The following P3H2 variants were observed in gnomAD, a reference collection of about 807,000 sequenced individuals.
P3H2 encodes prolyl 3-hydroxylase 2.
P3H2 carries 80 observed loss-of-function variants against 87.0 expected under a neutral mutation model. The ratio of observed to expected loss-of-function variants is 0.92; its 90% CI spans 0.77 to 1.11. P3H2 has a LOEUF of 1.11. P3H2 is among the 50% of genes least tolerant of loss of function. The pLI, the probability that P3H2 is intolerant of heterozygous loss-of-function variation, is 0.00. For synonymous variants in P3H2, 367 were observed against 359.3 expected, an observed-to-expected ratio of 1.02 and a Z score of -0.24; for missense variants, 1,001 against 923.9, an observed-to-expected ratio of 1.08 and a Z score of -1.08.
At chr3:189,977,436 T>C (rs1289897421) in intron 8 of P3H2, among the ~76,000 whole-genome samples, 5 of 152,194 alleles carry the variant, frequency 3.3e-5, no homozygotes, top group Admixed American at 3.3e-4. Flanking sequence ...AACTGAATTC[T>C]CAGCCCTGGT....
At chr3:190,119,851 C>G (rs1577333981) in intron 1 of P3H2, among the ~76,000 whole-genome samples, 1 of 150,454 alleles carries the variant, frequency 6.6e-6, no homozygotes, top group African/African-American at 2.4e-5. Flanking sequence ...AGAGAGGAGA[C>G]AAAAGAAATG....
At chr3:190,069,678 G>C (rs747899896) in intron 1 of P3H2, among the ~76,000 whole-genome samples, 1 of 152,146 alleles carries the variant, frequency 6.6e-6, no homozygotes, top group African/African-American at 2.4e-5. Flanking sequence ...AAAATGTCCA[G>C]TTAAATAGAA....
intron 1 of P3H2, among the ~76,000 whole-genome samples, chr3:190,097,837 T>G (rs2108989716): frequency 6.6e-6 from 1 of 152,228 alleles, no homozygotes; most frequent in East Asian, 1.9e-4. Flanking sequence ...GAGTCTGGAA[T>G]GTATTAAAGG....
intron 1 of P3H2, among the ~76,000 whole-genome samples, chr3:190,069,572 G>A (rs1726627666): frequency 6.6e-6 from 1 of 152,190 alleles, no homozygotes; most frequent in African/African-American, 2.4e-5. Context: ...GTTTATCTCT[G>A]TGTGTTAAAA....
intron 1 of P3H2, among the ~76,000 whole-genome samples, chr3:190,065,620 T>C (rs911457632): frequency 6.6e-6 from 1 of 152,124 alleles, no homozygotes; most frequent in Non-Finnish European, 1.5e-5. Flanking sequence ...TCTTAGTCAA[T>C]ACAGGATTCA....
rs532777951 is a variant in P3H2 at position 190,083,420 on chromosome 3, C to A, written c.480+36832G>T. Reference sequence around the variant, plus strand: ...CTGGTGTGTGCTTTTTGGCTAAAAACTACAGCCTATATAAATTTCCTAAAG... The same window carrying A: ...CTGGTGTGTGCTTTTTGGCTAAAAAATACAGCCTATATAAATTTCCTAAAG... On this transcript the variant is annotated intron_variant, in intron 1 of 14. Transcript: ENST00000319332. Among the ~76,000 whole-genome samples the A allele has an allele frequency of 2.0e-5, 3 of 152,256 alleles. No individual in the cohort carries two copies. In the East Asian group the frequency reaches 5.8e-4, roughly 29 times the overall value.
At chr3:189,958,708 T>C (rs1722716596) in intron 14 of P3H2, among the ~76,000 whole-genome samples, 2 of 83,134 alleles carry the variant, frequency 2.4e-5, no homozygotes, top group South Asian at 3.8e-4. Context: ...TCTTTTTTTT[T>C]TTTTTTTTTT....
At chr3:189,987,692 C>T in intron 4 of P3H2, 23 bp from the exon 5 acceptor site, 1 of 1,613,782 alleles carries the variant, frequency 6.2e-7, no homozygotes, top group South Asian at 1.1e-5. Flanking sequence ...GGAGTTGCAG[C>T]ATTAGAGTCA....
intron 1 of P3H2, among the ~76,000 whole-genome samples, chr3:190,104,896 G>A (rs965221949): frequency 6.6e-6 from 1 of 152,128 alleles, no homozygotes; most frequent in South Asian, 2.1e-4. Flanking sequence ...TAGGGCCTTG[G>A]TACTGTTTTT....
chr3:190,048,492 C>CA (rs992476414), intron 1 of P3H2, among the ~76,000 whole-genome samples: 50 of 152,046 alleles, frequency 3.3e-4, no homozygotes, highest in Admixed American at 9.8e-4. Context: ...ATGAGAATGC[C>CA]AAAAAATAGT....
Position 190,023,230 on chromosome 3 carries a change from A to G in P3H2, c.481-27788T>C, listed in dbSNP as rs371849303. ...TAAGAAATGGTGAAACTGATGACAAATTAAATAGCCTTACTCAATTGCCGT... is the reference window on the plus strand; with the variant it reads ...TAAGAAATGGTGAAACTGATGACAAGTTAAATAGCCTTACTCAATTGCCGT... On this transcript the variant is annotated intron_variant, in intron 1 of 14. Coordinates refer to ENST00000319332, the MANE Select transcript of P3H2 (RefSeq NM_018192.4). Among the ~76,000 whole-genome samples, 27 of 152,306 alleles carry G rather than the reference A, an allele frequency of 1.8e-4. 1 individual carries two copies. Among genetic ancestry groups the G allele is most frequent in the East Asian group, 1.3e-3 (7 of 5,192 alleles).
At chr3:190,063,441 C>T (rs1726396707) in intron 1 of P3H2, among the ~76,000 whole-genome samples, 2 of 152,160 alleles carry the variant, frequency 1.3e-5, no homozygotes, top group Non-Finnish European at 2.9e-5. Flanking sequence ...ACTAATGGTT[C>T]TCTTTAAATA....
intron 1 of P3H2, among the ~76,000 whole-genome samples, chr3:190,026,093 T>G (rs1725077837): frequency 6.6e-6 from 1 of 152,202 alleles, no homozygotes; most frequent in Admixed American, 6.5e-5. Flanking sequence ...TTTACAAAAC[T>G]GGCAGCATTT....
rs1724882177 is a variant in P3H2, at chr3:190,019,789, T to TATATAC, written c.481-24348_481-24347insGTATAT. On this transcript the variant is annotated intron_variant, in intron 1 of 14. Transcript: ENST00000319332. ...GACATTACCTAGAAATTAAAAAATATATATATATATATATATATATATATA... is the reference window on the plus strand; with the variant it reads ...GACATTACCTAGAAATTAAAAAATATATATACATATATATATATATATATATATATA... Among the ~76,000 whole-genome samples the TATATAC allele has an allele frequency of 4.1e-5, 2 of 49,306 alleles. 1 individual carries two copies. The highest frequency in any genetic ancestry group is 1.0e-4 in the Non-Finnish European group (2 of 19,630). The allele number at this position is 49,306 out of a possible 152,430, so 32.3% of individuals were successfully genotyped here. A position where few individuals can be genotyped will look rare whatever the true frequency, so the allele number is the denominator to read the frequency against.
intron 3 of P3H2, among the ~76,000 whole-genome samples, chr3:189,992,534 A>G (rs1292425293): frequency 6.6e-6 from 1 of 152,252 alleles, no homozygotes; most frequent in Non-Finnish European, 1.5e-5. Flanking sequence ...ATGTGTGCTC[A>G]AAATATTTGT....
At chr3:190,085,802 T>C (rs1482774667) in intron 1 of P3H2, among the ~76,000 whole-genome samples, 1 of 152,186 alleles carries the variant, frequency 6.6e-6, no homozygotes, top group Non-Finnish European at 1.5e-5. Flanking sequence ...TTATTTTACT[T>C]TGTTGATAAT....
intron 1 of P3H2, among the ~76,000 whole-genome samples, chr3:190,090,396 G>A (rs1399850949): frequency 6.6e-6 from 1 of 152,066 alleles, no homozygotes; most frequent in Non-Finnish European, 1.5e-5. Context: ...GCATATTTTA[G>A]ACTCAAAAAA....
At chr3:190,072,383 G>C (rs1249199738) in intron 1 of P3H2, among the ~76,000 whole-genome samples, 1 of 152,218 alleles carries the variant, frequency 6.6e-6, no homozygotes, top group East Asian at 1.9e-4. Context: ...GTATAATTTA[G>C]AGCATTGGCA....
chr3:189,957,487 GA>G lies in P3H2; in HGVS notation c.*424del. 2.6e-6 allele frequency: 1 copy of G among 384,416 alleles called. No individual in the cohort carries two copies. Among genetic ancestry groups the G allele is most frequent in the Non-Finnish European group, 4.6e-6 (1 of 217,840 alleles). The allele number at this position is 384,416 out of a possible 1,614,324, so 23.8% of individuals were successfully genotyped here. A position where few individuals can be genotyped will look rare whatever the true frequency, so the allele number is the denominator to read the frequency against. ...TGTGTGTGTGTGTGTGTGTTTGGGG[GA>G]GGAGGTGAACTGGGCTTTGATAGAT... On this transcript the variant is annotated 3_prime_UTR_variant, in exon 15 of 15. Coordinates refer to ENST00000319332, the MANE Select transcript of P3H2 (RefSeq NM_018192.4).
Sources: allele counts gnomAD v4.1 joint callset (sites outside exome capture counted in the v4.1 genomes callset), GRCh38; gene constraint gnomAD v4.1.1; transcripts MANE v1.5; gene names NCBI Gene and HGNC (gene_info 2026-07-23, HGNC 2026-07-21).